Variants in PTPRM observed in about 807,000 individuals in gnomAD.
PTPRM encodes receptor-type tyrosine-protein phosphatase mu.
PTPRM carries 47 observed loss-of-function variants against 186.7 expected under a neutral mutation model. The ratio of observed to expected loss-of-function variants is 0.25; its 90% CI spans 0.20 to 0.32. The LOEUF (loss-of-function observed/expected upper bound fraction) is 0.32, where lower values mean the gene tolerates loss of function less well. Among genes scored for constraint, PTPRM ranks in the 10% least tolerant of loss-of-function variants. The pLI is 1.00. For missense variants in PTPRM, 1,494 were observed against 1,865.0 expected, an observed-to-expected ratio of 0.80 and a Z score of 3.66; for synonymous variants, 668 against 674.9, an observed-to-expected ratio of 0.99 and a Z score of 0.16.
chr18:7,606,558 A>G (rs901459625), intron 1 of PTPRM, among the ~76,000 whole-genome samples: 1 of 152,070 alleles, frequency 6.6e-6, no homozygotes, highest in East Asian at 1.9e-4. Context: ...TCCAAGGGTA[A>G]ATATTCCTCT....
rs1265589041 is a variant in PTPRM at position 8,397,192 on chromosome 18, G to A, written c.4344+2581G>A. Among the ~76,000 whole-genome samples, 6 of 152,322 alleles carry A rather than the reference G, an allele frequency of 3.9e-5. No individual in the cohort carries two copies. The East Asian group carries it at 7.7e-4, about 20-fold the overall frequency. ...GCTAGGGTGCAATAGAGGGGCCCTC[G>A]CCCCAGCCCCACCAGATCACATGTG... On this transcript the variant is annotated intron_variant, in intron 32 of 32. Transcript: ENST00000580170.
chr18:7,706,414 T>C (rs1293856882), intron 1 of PTPRM, among the ~76,000 whole-genome samples: 6 of 151,652 alleles, frequency 4.0e-5, no homozygotes, highest in African/African-American at 1.2e-4. Context: ...CTGGACAGCA[T>C]AGGGAGACCC....
chr18:8,200,053 C>T (rs1210690523), intron 14 of PTPRM, among the ~76,000 whole-genome samples: 1 of 152,162 alleles, frequency 6.6e-6, no homozygotes, highest in African/African-American at 2.4e-5. Context: ...TTGTGCTAGA[C>T]GAATGACTGG....
At chr18:8,387,564 G>T (rs374216049) in intron 31 of PTPRM, among the ~76,000 whole-genome samples, 63 of 151,590 alleles carry the variant, frequency 4.2e-4, no homozygotes, top group African/African-American at 1.5e-3. Context: ...AATTTTCTGA[G>T]CTGGGTCTTC....
At chr18:7,841,285 T>C (rs925448797) in intron 2 of PTPRM, among the ~76,000 whole-genome samples, 9 of 128,436 alleles carry the variant, frequency 7.0e-5, no homozygotes, top group Admixed American at 3.0e-4. Flanking sequence ...TCATTTCTTT[T>C]TTTTTTTTTT....
At chr18:7,945,765 C>T (rs2052480921) in intron 5 of PTPRM, among the ~76,000 whole-genome samples, 2 of 151,958 alleles carry the variant, frequency 1.3e-5, no homozygotes, top group African/African-American at 4.8e-5. Flanking sequence ...ATTTTATGCT[C>T]TCTTATATGA....
chr18:8,301,075 G>A (rs568890405), intron 20 of PTPRM, among the ~76,000 whole-genome samples: 2 of 152,232 alleles, frequency 1.3e-5, no homozygotes, highest in Non-Finnish European at 2.9e-5. Context: ...CTAGAGCCTC[G>A]GACTTGGGAT....
At chr18:7,808,281 G>A (rs1319441389) in intron 2 of PTPRM, among the ~76,000 whole-genome samples, 6 of 152,224 alleles carry the variant, frequency 3.9e-5, no homozygotes, top group African/African-American at 1.2e-4. Flanking sequence ...TGCAGACGGA[G>A]GTGGAGGTGG....
chr18:8,359,795 C>G (rs1207923257), intron 23 of PTPRM, among the ~76,000 whole-genome samples: 1 of 152,250 alleles, frequency 6.6e-6, no homozygotes, highest in Non-Finnish European at 1.5e-5. Context: ...CAATATGGGA[C>G]AGTCTCAGAG....
intron 1 of PTPRM, among the ~76,000 whole-genome samples, chr18:7,773,569 T>C (rs1167313320): frequency 7.0e-5 from 5 of 71,766 alleles, no homozygotes; most frequent in African/African-American, 2.0e-4. Context: ...TTCTTTTCTT[T>C]GTTTTTTTTT....
chr18:7,567,688 G>C lies in PTPRM; in HGVS notation c.-131G>C. On this transcript the variant is annotated 5_prime_UTR_variant, in exon 1 of 33. Transcript: ENST00000580170. This position sits in a 1 kb window ranked among gnomAD's most constrained non-coding sequence, Gnocchi z 4.3. ...GGACTTCTGCAACTGTTGGCACTTT[G>C]GGGGCTTGGCTTAGCGCTCTGCTGT... 1 of 789,926 alleles carries C rather than the reference G, an allele frequency of 1.3e-6. No individual in the cohort carries two copies. The highest frequency in any genetic ancestry group is 1.8e-6 in the Non-Finnish European group (1 of 543,082). The allele number at this position is 789,926 out of a possible 1,614,324, so 48.9% of individuals were successfully genotyped here.
chr18:7,780,909 C>T (rs2042823856), intron 2 of PTPRM, among the ~76,000 whole-genome samples: 1 of 152,032 alleles, frequency 6.6e-6, no homozygotes, highest in South Asian at 2.1e-4. Flanking sequence ...CAGGAGTGTG[C>T]TCTGCTGGAG....
chr18:7,859,811 TG>T (rs1739196647), intron 2 of PTPRM, among the ~76,000 whole-genome samples: 1 of 152,152 alleles, frequency 6.6e-6, no homozygotes, highest in Non-Finnish European at 1.5e-5. Context: ...TGATCTGCTG[TG>T]CCTGTGAAAA....
At chr18:8,311,607 GA>G (rs933417622) in intron 20 of PTPRM, among the ~76,000 whole-genome samples, 6 of 152,154 alleles carry the variant, frequency 3.9e-5, no homozygotes, top group South Asian at 2.1e-4. Context: ...ATCAATAAAA[GA>G]AAAAAGATAC....
chr18:7,904,247 T>C (rs374187854), intron 3 of PTPRM, among the ~76,000 whole-genome samples: 5 of 152,336 alleles, frequency 3.3e-5, no homozygotes, highest in African/African-American at 1.2e-4. Context: ...TTTACAACAC[T>C]GTAGTACAAT....
At chr18:8,225,904 A>G (rs1882720725) in intron 14 of PTPRM, among the ~76,000 whole-genome samples, 1 of 152,254 alleles carries the variant, frequency 6.6e-6, no homozygotes, top group Non-Finnish European at 1.5e-5. Context: ...TCAAAGTATC[A>G]GTAGCCTAAA....
intron 1 of PTPRM, among the ~76,000 whole-genome samples, chr18:7,738,466 C>T (rs1417273160): frequency 5.3e-5 from 8 of 151,836 alleles, no homozygotes; most frequent in African/African-American, 1.5e-4. Context: ...GACGGAGTCT[C>T]GCTCTGTTGC....
Position 8,253,394 on chromosome 18 carries a change from G to A in PTPRM, c.2734G>A (p.Gly912Ser), listed in dbSNP as rs776998857. The A allele has an allele frequency of 4.4e-5, 67 of 1,538,024 alleles. No individual in the cohort carries two copies. Among genetic ancestry groups the A allele is most frequent in the Non-Finnish European group, 5.0e-5 (57 of 1,142,796 alleles). Residue 912 changes from glycine (G) to serine (S), a missense_variant, in exon 19 of 33, where the codon GGC (glycine) becomes AGC (serine). This residue lies in a region of PTPRM where 1,107 missense variants were observed against 1,350.2 expected (regional missense o/e 0.82). Transcript: ENST00000580170. ...ACAGATGAAGTGTGCGGAGGGCTAC[G>A]GCTTCAAGGAGGAATACGAGGTGAG... ...ITQMKCAEGY[G>S]FKEEYESFFE...
intron 1 of PTPRM, among the ~76,000 whole-genome samples, chr18:7,625,355 T>A (rs1228181482): frequency 6.6e-6 from 1 of 152,196 alleles, no homozygotes; most frequent in Non-Finnish European, 1.5e-5. Flanking sequence ...ATAGATGTTT[T>A]TAAAAGTCAA....
Sources: allele counts gnomAD v4.1 joint callset (sites outside exome capture counted in the v4.1 genomes callset), GRCh38; gene constraint gnomAD v4.1.1; regional missense constraint gnomAD v4.1.1; non-coding constraint Gnocchi (gnomAD v3.1); transcripts MANE v1.5; gene names NCBI Gene and HGNC (gene_info 2026-07-23, HGNC 2026-07-21).